UNC13C: variants seen among roughly 807,000 people sequenced by gnomAD.
UNC13C encodes unc-13 homolog C.
In UNC13C, 174 loss-of-function variants were observed where a neutral mutation model predicts 245.4. The observed-to-expected ratio is 0.71, with a 90% CI of 0.63 to 0.80. UNC13C has a LOEUF of 0.80. UNC13C is among the 30% of genes least tolerant of loss of function. The pLI, the probability that UNC13C is intolerant of heterozygous loss-of-function variation, is 0.00. For synonymous variants in UNC13C, 992 were observed against 895.1 expected (o/e 1.11, Z -1.93); for missense variants, 2,829 against 2,602.9 (o/e 1.09, Z -1.89).
At chr15:54,102,604 T>C (rs1342987984) in intron 2 of UNC13C, among the ~76,000 whole-genome samples, 5 of 152,240 alleles carry the variant, frequency 3.3e-5, no homozygotes, top group Admixed American at 3.3e-4. Flanking sequence ...TTATAGTAAA[T>C]ACCTTTTCTG....
At chr15:54,397,030 T>G (rs2040084488) in intron 18 of UNC13C, among the ~76,000 whole-genome samples, 1 of 151,376 alleles carries the variant, frequency 6.6e-6, no homozygotes, top group Admixed American at 6.6e-5. Context: ...TTAAAAAAAT[T>G]TTGATGGAAT....
At chr15:54,151,268 TA>T (rs34301304) in intron 4 of UNC13C, among the ~76,000 whole-genome samples, 140,845 of 152,186 alleles carry the variant, frequency 0.93, 66,071 homozygotes, top group Non-Finnish European at 1. Context: ...AGGCTGACCA[TA>T]AAAAAGTTAT....
chr15:53,935,028 C>G, the UNC13C span, among the ~76,000 whole-genome samples: 1 of 152,060 alleles, frequency 6.6e-6, no homozygotes, highest in African/African-American at 2.4e-5. Context: ...TATGAAGGAG[C>G]CAGGATGCAG....
intron 4 of UNC13C, among the ~76,000 whole-genome samples, chr15:54,199,465 A>T (rs920085681): frequency 6.6e-6 from 1 of 152,140 alleles, no homozygotes; most frequent in African/African-American, 2.4e-5. Flanking sequence ...CCTATAAAGG[A>T]AAATCTGTCA....
chr15:54,088,755 T>C (rs1595837064), intron 2 of UNC13C, among the ~76,000 whole-genome samples: 1 of 152,338 alleles, frequency 6.6e-6, no homozygotes, highest in East Asian at 1.9e-4. Flanking sequence ...CAATGTGATG[T>C]ACAGTTTGAT....
At chr15:54,266,211 G>A (rs1014407014) in intron 10 of UNC13C, among the ~76,000 whole-genome samples, 62 of 151,866 alleles carry the variant, frequency 4.1e-4, no homozygotes, top group African/African-American at 1.4e-3. Flanking sequence ...AGAACATATA[G>A]CTTATTTGGG....
intron 19 of UNC13C, among the ~76,000 whole-genome samples, chr15:54,473,019 C>T (rs944536723): frequency 2.0e-5 from 3 of 151,530 alleles, no homozygotes; most frequent in African/African-American, 7.3e-5. Flanking sequence ...CTCTCCCCCA[C>T]CCCCACATCT....
intron 17 of UNC13C, among the ~76,000 whole-genome samples, chr15:54,364,285 A>G (rs944159739): frequency 9.3e-5 from 5 of 53,580 alleles, no homozygotes; most frequent in African/African-American, 3.3e-4. Context: ...TATTTATTAG[A>G]CCAAAAAATG....
chr15:53,842,353 C>A, the UNC13C span, among the ~76,000 whole-genome samples: 1 of 152,090 alleles, frequency 6.6e-6, no homozygotes, highest in Non-Finnish European at 1.5e-5. Context: ...CATTTTCTGG[C>A]CACTAGCATT....
chr15:54,356,814 A>G (rs553961925), intron 17 of UNC13C, among the ~76,000 whole-genome samples: 50 of 152,324 alleles, frequency 3.3e-4, no homozygotes, highest in African/African-American at 9.9e-4. Context: ...TTTGATAGAT[A>G]TAAAAAATTA....
intron 1 of UNC13C, among the ~76,000 whole-genome samples, chr15:54,007,717 A>G (rs191728276): frequency 6.6e-6 from 1 of 152,298 alleles, no homozygotes; most frequent in East Asian, 1.9e-4. Context: ...CATGGCACAC[A>G]TTTATCTATG....
Position 54,525,539 on chromosome 15 carries a change from C to A in UNC13C, c.5458-10C>A, listed in dbSNP as rs1356889209. 1.2e-6 allele frequency: 2 copies of A among 1,607,316 alleles called. No homozygotes were observed. The highest frequency in any genetic ancestry group is 2.2e-5 in the East Asian group (1 of 44,754). On this transcript the variant is annotated splice_polypyrimidine_tract_variant and intron_variant, in intron 24 of 32. Transcript: ENST00000260323. ...ACTCCAAAGTAATATTGTTTATGGT[C>A]TCTCTGCAGCTAGATTCTGAAGCTA... is the stretch of plus-strand genomic sequence containing the variant.
intron 13 of UNC13C, among the ~76,000 whole-genome samples, chr15:54,306,051 C>T (rs1021111495): frequency 1.1e-4 from 16 of 152,142 alleles, no homozygotes; most frequent in African/African-American, 3.6e-4. Context: ...TAGTACACTA[C>T]TGAATTTTTC....
chr15:54,159,376 A>G (rs2032882280), intron 4 of UNC13C, among the ~76,000 whole-genome samples: 1 of 152,344 alleles, frequency 6.6e-6, no homozygotes, highest in East Asian at 1.9e-4. Flanking sequence ...AGACTATACC[A>G]TTTCATTCAA....
At chr15:54,314,754 C>G (rs1170513596) in intron 13 of UNC13C, among the ~76,000 whole-genome samples, 1 of 151,730 alleles carries the variant, frequency 6.6e-6, no homozygotes, top group African/African-American at 2.4e-5. Flanking sequence ...ATGATAGGAA[C>G]AGCAGCTTTC....
chr15:54,519,115 C>T lies in UNC13C; in HGVS notation c.5458-6434C>T, dbSNP rs544626079. On this transcript the variant is annotated intron_variant, in intron 24 of 32. Coordinates refer to ENST00000260323, the MANE Select transcript of UNC13C (RefSeq NM_001080534.3). The stretch of plus-strand genomic sequence containing the variant: ...TTTGGTTTTACCCATTTGGAAACAA[C>T]GAGGAAGTTGAACTATGTGATTTCA... 3.9e-5 allele frequency among the ~76,000 whole-genome samples: 6 copies of T among 152,084 alleles called. No homozygotes were observed. In the South Asian group the frequency reaches 8.3e-4, roughly 21 times the overall value.
intron 2 of UNC13C, among the ~76,000 whole-genome samples, chr15:54,123,761 T>A (rs539829723): frequency 7.2e-5 from 11 of 152,258 alleles, no homozygotes; most frequent in African/African-American, 2.2e-4. Context: ...ACGTGTAAAT[T>A]GTATAAGCAC....
chr15:54,010,667 A>G (rs904929458), intron 1 of UNC13C, among the ~76,000 whole-genome samples: 2 of 152,194 alleles, frequency 1.3e-5, no homozygotes, highest in African/African-American at 4.8e-5. Flanking sequence ...TATATTTTTA[A>G]TTGTATGAAT....
At chr15:54,272,942 T>C (rs1361513365) in intron 10 of UNC13C, among the ~76,000 whole-genome samples, 1 of 152,228 alleles carries the variant, frequency 6.6e-6, no homozygotes, top group African/African-American at 2.4e-5. Flanking sequence ...GAGCTATCAC[T>C]GTAATATTCC....
Sources: allele counts gnomAD v4.1 joint callset (sites outside exome capture counted in the v4.1 genomes callset), GRCh38; gene constraint gnomAD v4.1.1; transcripts MANE v1.5; gene names NCBI Gene and HGNC (gene_info 2026-07-23, HGNC 2026-07-21).